The following KCNMA1 variants were observed in gnomAD, a reference collection of about 807,000 sequenced individuals.
KCNMA1 encodes Calcium-activated potassium channel subunit alpha-1.
KCNMA1 carries 29 observed loss-of-function variants against 140.0 expected under a neutral mutation model. That is an observed-to-expected ratio of 0.21 (90% CI 0.15 to 0.28). The LOEUF is 0.28. Ranked by LOEUF, KCNMA1 falls within the 10% of genes least tolerant of loss-of-function variation. KCNMA1 has a pLI of 1.00. For synonymous variants in KCNMA1, 612 were observed against 611.9 expected, an observed-to-expected ratio of 1.00 and a Z score of 0.00; for missense variants, 880 against 1,602.2, an observed-to-expected ratio of 0.55 and a Z score of 7.70.
rs191752876 is a variant in KCNMA1, at chr10:76,944,651, C to A, written c.2902+122G>T. The A allele has an allele frequency of 5.3e-5, 46 of 874,690 alleles. 1 individual carries two copies. The highest frequency in any genetic ancestry group is 7.7e-5 in the Non-Finnish European group (41 of 534,704). 54.2% of individuals were successfully genotyped at this position (874,690 alleles called of 1,614,324 possible). ...CCCCTTTGAAAGCCATCATGGTGAC[C>A]GCAGGTTTCACTGCCAGGCAGGCTG... On this transcript the variant is annotated intron_variant, in intron 23 of 27. Coordinates refer to ENST00000286628, the MANE Select transcript of KCNMA1 (RefSeq NM_001161352.2).
chr10:76,911,127 A>G (rs1159337876), intron 24 of KCNMA1: 2 of 152,172 alleles, frequency 1.3e-5, no homozygotes, highest in Non-Finnish European at 2.9e-5. Context: ...TCCTTTCTAA[A>G]TGTATCAACA....
At chr10:77,467,719 A>T (rs1603626659) in intron 1 of KCNMA1, among the ~76,000 whole-genome samples, 1 of 152,260 alleles carries the variant, frequency 6.6e-6, no homozygotes, top group Non-Finnish European at 1.5e-5. Context: ...AGGCTGCTCC[A>T]AAAGGGCAGG....
chr10:76,895,199 C>T (rs2041989230), intron 25 of KCNMA1, among the ~76,000 whole-genome samples: 1 of 152,154 alleles, frequency 6.6e-6, no homozygotes, highest in Admixed American at 6.5e-5. Context: ...CACGCACCCC[C>T]TTAGAGTTGT....
rs766951265 is a variant in KCNMA1 at position 77,183,550 on chromosome 10, T to C, written c.697-18A>G. 2.6e-6 allele frequency: 4 copies of C among 1,537,258 alleles called. No individual in the cohort carries two copies. The highest frequency in any genetic ancestry group is 3.6e-6 in the Non-Finnish European group (4 of 1,112,736). ...GCAATAAACTGGGGGAAAGAAGAAA[T>C]AAGAAAGAGAAAAAACATGAGAAGC... On this transcript the variant is annotated intron_variant, in intron 4 of 27. Transcript: ENST00000286628.
At chr10:76,931,245 G>A (rs1171743678) in intron 23 of KCNMA1, among the ~76,000 whole-genome samples, 1 of 152,096 alleles carries the variant, frequency 6.6e-6, no homozygotes, top group Admixed American at 6.5e-5. Context: ...CAATGTATAT[G>A]TATATCAAAT....
intron 5 of KCNMA1, among the ~76,000 whole-genome samples, chr10:77,177,172 T>C (rs1004555615): frequency 4.6e-5 from 7 of 152,218 alleles, no homozygotes; most frequent in Middle Eastern, 3.4e-3. Flanking sequence ...TGCTTGGAAA[T>C]AGAAAACTTC....
chr10:77,031,033 T>C (rs144771713), intron 15 of KCNMA1, among the ~76,000 whole-genome samples: 130 of 152,288 alleles, frequency 8.5e-4, no homozygotes, highest in African/African-American at 3.0e-3. Flanking sequence ...CCTATGCAGA[T>C]AACAAACTGA....
chr10:77,451,372 C>T (rs2097654960), intron 1 of KCNMA1, among the ~76,000 whole-genome samples: 1 of 152,202 alleles, frequency 6.6e-6, no homozygotes, highest in African/African-American at 2.4e-5. Flanking sequence ...CGAGAGGTCA[C>T]ATCTGCTATG....
At chr10:76,911,606 G>A (rs2050290187) in intron 24 of KCNMA1, 1 of 152,162 alleles carries the variant, frequency 6.6e-6, no homozygotes, top group South Asian at 2.1e-4. Flanking sequence ...CCCAGCATCT[G>A]GATCATGCCA....
chr10:76,957,127 CAAAAAAAA>C (rs569115924), intron 20 of KCNMA1, among the ~76,000 whole-genome samples: 2 of 71,372 alleles, frequency 2.8e-5, no homozygotes, highest in Non-Finnish European at 2.5e-5. Context: ...GACTCTGTCT[CAAAAAAAA>C]AAAAAAAAAA....
chr10:77,055,894 C>T (rs758886982), intron 14 of KCNMA1, among the ~76,000 whole-genome samples: 19 of 152,148 alleles, frequency 1.2e-4, no homozygotes, highest in African/African-American at 2.9e-4. Flanking sequence ...CTGGGGCTCA[C>T]GCTAAGCTGT....
chr10:77,086,362 T>G (rs1480205497), intron 11 of KCNMA1, 126 bp downstream of exon 11: 9 of 740,022 alleles, frequency 1.2e-5, no homozygotes, highest in Non-Finnish European at 2.2e-5. Context: ...GTGATTGATC[T>G]CATTAGGTGT....
intron 1 of KCNMA1, among the ~76,000 whole-genome samples, chr10:77,457,209 C>T (rs1277427920): frequency 6.6e-6 from 1 of 152,104 alleles, no homozygotes; most frequent in Non-Finnish European, 1.5e-5. Flanking sequence ...GTCTTTACCC[C>T]TCGTCTGTAG....
chr10:77,477,107 T>C (rs1215217392), intron 1 of KCNMA1, among the ~76,000 whole-genome samples: 1 of 152,222 alleles, frequency 6.6e-6, no homozygotes. Flanking sequence ...CGGTCATTTG[T>C]CTTCCTTGGG....
At chr10:77,017,964 A>G (rs1248614152) in intron 17 of KCNMA1, among the ~76,000 whole-genome samples, 1 of 152,194 alleles carries the variant, frequency 6.6e-6, no homozygotes, top group African/African-American at 2.4e-5. Context: ...AGAATGTGGT[A>G]GTATTATTAA....
intron 3 of KCNMA1, among the ~76,000 whole-genome samples, chr10:77,208,114 CTG>C (rs1288615016): frequency 6.6e-6 from 1 of 152,240 alleles, no homozygotes; most frequent in Non-Finnish European, 1.5e-5. Flanking sequence ...GAATGCCACA[CTG>C]TTGCAAATCT....
At chr10:77,310,611 C>T (rs1347091775) in intron 2 of KCNMA1, among the ~76,000 whole-genome samples, 1 of 152,210 alleles carries the variant, frequency 6.6e-6, no homozygotes, top group African/African-American at 2.4e-5. Flanking sequence ...ACCCCAGCTG[C>T]CTCTGAGCAG....
intron 2 of KCNMA1, among the ~76,000 whole-genome samples, chr10:77,383,506 T>C (rs1250159530): frequency 6.6e-6 from 1 of 151,900 alleles, no homozygotes. Flanking sequence ...AGCTCAGTGG[T>C]ATTAAGTACA....
At chr10:77,527,899 G>C (rs1197505553) in intron 1 of KCNMA1, among the ~76,000 whole-genome samples, 2 of 152,084 alleles carry the variant, frequency 1.3e-5, no homozygotes, top group Non-Finnish European at 2.9e-5. Flanking sequence ...GAGGCTACAG[G>C]CTCCATCCAG....
Sources: allele counts gnomAD v4.1 joint callset (sites outside exome capture counted in the v4.1 genomes callset), GRCh38; gene constraint gnomAD v4.1.1; transcripts MANE v1.5; gene names NCBI Gene and HGNC (gene_info 2026-07-23, HGNC 2026-07-21).